Variants in TBC1D9 observed in about 807,000 individuals in gnomAD.
The protein encoded by TBC1D9 is TBC1 domain family member 9A.
In TBC1D9, 63 loss-of-function variants were observed where a neutral mutation model predicts 132.0. The observed-to-expected ratio is 0.48, with a 90% CI of 0.39 to 0.59. TBC1D9 has a LOEUF of 0.59. Among genes scored for constraint, TBC1D9 ranks in the 20% least tolerant of loss-of-function variants. The pLI is 0.00. For synonymous variants in TBC1D9, 610 were observed against 609.9 expected, an observed-to-expected ratio of 1.00 and a Z score of 0.00; for missense variants, 1,261 against 1,592.7, an observed-to-expected ratio of 0.79 and a Z score of 3.54.
chr4:140,678,443 T>A (rs894889310), intron 5 of TBC1D9, among the ~76,000 whole-genome samples: 1 of 152,222 alleles, frequency 6.6e-6, no homozygotes, highest in African/African-American at 2.4e-5. Flanking sequence ...ACATTCAGAC[T>A]TTGAGGCTTC....
chr4:140,672,562 G>A (rs553288394), intron 6 of TBC1D9, among the ~76,000 whole-genome samples: 4 of 152,302 alleles, frequency 2.6e-5, no homozygotes, highest in East Asian at 1.9e-4. Context: ...AGTTAGCTAT[G>A]TGGATCTTGA....
chr4:140,705,239 C>T (rs946235042), intron 1 of TBC1D9, among the ~76,000 whole-genome samples: 3 of 152,202 alleles, frequency 2.0e-5, no homozygotes, highest in Non-Finnish European at 2.9e-5. Context: ...TTGTCTCCCC[C>T]GACCTCAAAC....
At chr4:140,663,280 G>A (rs1367165797) in intron 9 of TBC1D9, among the ~76,000 whole-genome samples, 3 of 152,142 alleles carry the variant, frequency 2.0e-5, no homozygotes, top group African/African-American at 7.2e-5. Flanking sequence ...TCACCAACAG[G>A]TGTATTTAAA....
intron 1 of TBC1D9, among the ~76,000 whole-genome samples, chr4:140,742,531 C>CA (rs35891616): frequency 0.045 from 2,840 of 63,364 alleles, 157 homozygotes; most frequent in Middle Eastern, 0.078. Context: ...GACTCTGTCT[C>CA]AAAAAAAAAA....
At chr4:140,735,775 G>GC (rs1738664446) in intron 1 of TBC1D9, among the ~76,000 whole-genome samples, 1 of 152,180 alleles carries the variant, frequency 6.6e-6, no homozygotes, top group Non-Finnish European at 1.5e-5. Flanking sequence ...ACAGTGAATA[G>GC]CAAGACCTAC....
intron 6 of TBC1D9, among the ~76,000 whole-genome samples, chr4:140,676,537 C>T (rs556432872): frequency 1.1e-4 from 16 of 152,274 alleles, no homozygotes; most frequent in Admixed American, 1.0e-3. Flanking sequence ...CCTGTAATTC[C>T]AGCTACTCAG....
chr4:140,754,643 A>AAAAAAAAAAAAAAAAAT, intron 1 of TBC1D9, among the ~76,000 whole-genome samples: 1 of 148,890 alleles, frequency 6.7e-6, no homozygotes, highest in Non-Finnish European at 1.5e-5. Flanking sequence ...AAAAAAAAAA[A>AAAAAAAAAAAAAAAAAT]GGACAATGTG....
chr4:140,632,388 A>T lies in TBC1D9; in HGVS notation c.2746+1560T>A, dbSNP rs149481044. ...TGTTATCTGATTTGTGCCACTTTTT[A>T]AAAAAGCAGACTGTACTTATATATC... On this transcript the variant is annotated intron_variant, in intron 16 of 20. Coordinates refer to ENST00000442267, the MANE Select transcript of TBC1D9 (RefSeq NM_015130.3). 5.6e-3 allele frequency among the ~76,000 whole-genome samples: 857 copies of T among 152,200 alleles called. 7 individuals are homozygous for T. Among genetic ancestry groups the T allele is most frequent in the African/African-American group, 0.02 (817 of 41,538 alleles).
intron 18 of TBC1D9, among the ~76,000 whole-genome samples, chr4:140,625,267 A>AT (rs201758044): frequency 0.015 from 2,227 of 150,976 alleles, 49 homozygotes; most frequent in African/African-American, 0.051. Context: ...AAGAGAGAAA[A>AT]TTTTTTTTTT....
rs1047459065 is a variant in TBC1D9, at chr4:140,639,251, T to C, written c.2436+79A>G. The C allele has an allele frequency of 1.6e-5, 23 of 1,476,150 alleles. No homozygotes were observed. The South Asian group carries it at 2.8e-4, about 18-fold the overall frequency. 91.4% of individuals were successfully genotyped at this position (1,476,150 alleles called of 1,614,324 possible). A position where few individuals can be genotyped will look rare whatever the true frequency, so the allele number is the denominator to read the frequency against. Reference sequence around the variant, plus strand: ...CCCTTTCAAATTGTTTTCAGTTCTGTCAGGCAGGAATCCACAGCCAGCAGG... The same window carrying C: ...CCCTTTCAAATTGTTTTCAGTTCTGCCAGGCAGGAATCCACAGCCAGCAGG... On this transcript the variant is annotated intron_variant, in intron 14 of 20. Coordinates refer to ENST00000442267, the MANE Select transcript of TBC1D9 (RefSeq NM_015130.3).
At chr4:140,736,482 G>A (rs1315746965) in intron 1 of TBC1D9, among the ~76,000 whole-genome samples, 1 of 152,096 alleles carries the variant, frequency 6.6e-6, no homozygotes. Flanking sequence ...CAGAGGTGCA[G>A]TGAGCCAAGA....
intron 1 of TBC1D9, among the ~76,000 whole-genome samples, chr4:140,708,775 T>C (rs1198429527): frequency 6.6e-6 from 1 of 152,156 alleles, no homozygotes; most frequent in East Asian, 1.9e-4. Context: ...GTGGCTGTTC[T>C]ATGGGTAAGG....
chr4:140,696,455 CAAAAAAAAAAAA>C (rs35713619), intron 2 of TBC1D9, among the ~76,000 whole-genome samples: 2 of 61,576 alleles, frequency 3.2e-5, no homozygotes, highest in South Asian at 1.1e-3. Flanking sequence ...GAGTCCGTCT[CAAAAAAAAAAAA>C]AAAAAAAAAA....
intron 13 of TBC1D9, chr4:140,645,140 G>C: frequency 1.8e-6 from 1 of 563,408 alleles, no homozygotes. Context: ...GGTGCACGTG[G>C]GCCAGGTCAG....
chr4:140,753,447 G>A lies in TBC1D9; in HGVS notation c.130+2469C>T, dbSNP rs545405995. Among the ~76,000 whole-genome samples, 169 of 152,232 alleles carry A rather than the reference G, an allele frequency of 1.1e-3. 1 individual carries two copies. Among genetic ancestry groups the A allele is most frequent in the African/African-American group, 4.0e-3 (167 of 41,532 alleles). Reference sequence around the variant, plus strand: ...GATGGGAGGCAGTGGCAGAAGCTGGGAGGGTGGGAGAAGAGAGAAGTCAGG... The same window carrying A: ...GATGGGAGGCAGTGGCAGAAGCTGGAAGGGTGGGAGAAGAGAGAAGTCAGG... On this transcript the variant is annotated intron_variant, in intron 1 of 20. Transcript: ENST00000442267.
Position 140,639,363 on chromosome 4 carries a change from G to C in TBC1D9, c.2403C>G (p.Ile801Met). The stretch of plus-strand genomic sequence containing the variant: ...GTTTCGTAGTATCCTCCAGCGTCTG[G>C]ATCACTTTCAGTCTCTGTTTGAATC... ...QMRFKQRLKV[I>M]QTLEDTTKRN... is the part of the protein sequence containing the mutation. Residue 801 changes from isoleucine to methionine, a missense_variant, in exon 14 of 21, where the codon ATC becomes ATG. By Grantham distance (10) the Ile-to-Met change is conservative. Around this residue, in one of 3 missense-constraint regions of TBC1D9, gnomAD observed 618 missense variants for 724.4 expected, o/e 0.85. Transcript: ENST00000442267. 6.2e-7 allele frequency: 1 copy of C among 1,613,046 alleles called. No individual in the cohort carries two copies.
intron 16 of TBC1D9, among the ~76,000 whole-genome samples, chr4:140,629,041 G>C (rs546510847): frequency 6.6e-6 from 1 of 152,156 alleles, no homozygotes; most frequent in African/African-American, 2.4e-5. Context: ...TTTGGAAAAA[G>C]AAGAAAAATA....
chr4:140,720,112 T>C (rs1246601972), intron 1 of TBC1D9, among the ~76,000 whole-genome samples: 1 of 152,184 alleles, frequency 6.6e-6, no homozygotes, highest in Non-Finnish European at 1.5e-5. Context: ...CAATAAATAG[T>C]ACCGATTGCG....
chr4:140,735,838 GACA>G (rs770769223), intron 1 of TBC1D9, among the ~76,000 whole-genome samples: 21 of 152,174 alleles, frequency 1.4e-4, no homozygotes, highest in Non-Finnish European at 2.5e-4. Flanking sequence ...AAACTGAAAT[GACA>G]ACAACAACAA....
Sources: allele counts gnomAD v4.1 joint callset (sites outside exome capture counted in the v4.1 genomes callset), GRCh38; gene constraint gnomAD v4.1.1; regional missense constraint gnomAD v4.1.1; transcripts MANE v1.5; gene names NCBI Gene and HGNC (gene_info 2026-07-23, HGNC 2026-07-21).